LY75: variants seen among roughly 807,000 people sequenced by gnomAD.
LY75 encodes the protein C-type lectin domain family 13 member B.
A neutral mutation model predicts 231.7 loss-of-function variants in LY75; 185 were observed. The ratio of observed to expected loss-of-function variants is 0.80; its 90% confidence interval spans 0.71 to 0.90. The LOEUF (loss-of-function observed/expected upper bound fraction) is 0.90. LY75 is among the 40% of genes least tolerant of loss of function. LY75 has a pLI of 0.00. For missense variants in LY75, 1,947 were observed against 2,050.2 expected, an observed-to-expected ratio of 0.95 and a Z score of 0.97; for synonymous variants, 668 against 689.0, an observed-to-expected ratio of 0.97 and a Z score of 0.48.
At chr2:159,813,124 G>A (rs34797321) in intron 31 of LY75, among the ~76,000 whole-genome samples, 13,961 of 152,218 alleles carry the variant, frequency 0.092, 750 homozygotes, top group South Asian at 0.15. Flanking sequence ...CTATGACATG[G>A]TTGTACAAAC....
intron 33 of LY75, chr2:159,808,040 CAAG>C (rs1682839913): frequency 1.1e-6 from 1 of 950,596 alleles, no homozygotes; most frequent in African/African-American, 1.8e-5. Flanking sequence ...AAGGGAATAA[CAAG>C]AAGATAACTT....
chr2:159,874,168 T>TATATATTGTAAATATATATAA lies in LY75; in HGVS notation c.1974+1255_1974+1275dup, dbSNP rs1368614807. ...TATTTTGTAAATATATATAAACGTATATATATTGTAAATATATATAAATAT... is the reference window on the plus strand; with the variant it reads ...TATTTTGTAAATATATATAAACGTATATATATTGTAAATATATATAAATATATTGTAAATATATATAAATAT... On this transcript the variant is annotated intron_variant, in intron 12 of 34. Transcript: ENST00000263636. Among the ~76,000 whole-genome samples, 6 of 134,376 alleles carry TATATATTGTAAATATATATAA rather than the reference T, an allele frequency of 4.5e-5. 1 individual carries two copies. The highest frequency in any genetic ancestry group is 1.3e-4 in the African/African-American group (5 of 37,190). The allele number at this position is 134,376 out of a possible 152,430, so 88.2% of individuals were successfully genotyped here.
intron 5 of LY75, 58 bp from the exon 6 acceptor site, chr2:159,885,351 T>C: frequency 6.4e-7 from 1 of 1,553,878 alleles, no homozygotes; most frequent in Non-Finnish European, 8.7e-7. Context: ...CAGGATGGTG[T>C]CAGAAAGAAT....
At chr2:159,832,176 C>A (rs1442152064) in intron 27 of LY75, among the ~76,000 whole-genome samples, 1 of 152,094 alleles carries the variant, frequency 6.6e-6, no homozygotes, top group East Asian at 1.9e-4. Context: ...CAGGGGTTCC[C>A]AACCCCCGGG....
chr2:159,897,743 A>G (rs1161712992), intron 2 of LY75, among the ~76,000 whole-genome samples: 1 of 152,218 alleles, frequency 6.6e-6, no homozygotes, highest in Non-Finnish European at 1.5e-5. Flanking sequence ...ACATAATTAT[A>G]TGCATATCGA....
At chr2:159,853,386 T>C in intron 19 of LY75, 34 bp from the exon 20 acceptor site, 1 of 1,597,764 alleles carries the variant, frequency 6.3e-7, no homozygotes, top group Non-Finnish European at 8.5e-7. Flanking sequence ...CAACTCGTAA[T>C]GTAATTAGGT....
intron 16 of LY75, among the ~76,000 whole-genome samples, chr2:159,858,154 CAA>C (rs890623307): frequency 6.6e-5 from 10 of 152,144 alleles, no homozygotes; most frequent in African/African-American, 2.4e-4. Context: ...CTTCCATGAT[CAA>C]AGAGTAAGAT....
rs187626975 is a variant in LY75 at position 159,884,500 on chromosome 2, G to A, written c.1054+653C>T. ...AACACCCTGGAAAAACCCCCTTATT[G>A]TACACATTTTGTCCCTCTGCACCTC... is the stretch of plus-strand genomic sequence containing the variant. On this transcript the variant is annotated intron_variant, in intron 6 of 34. Coordinates refer to ENST00000263636, the MANE Select transcript of LY75 (RefSeq NM_002349.4). Among the ~76,000 whole-genome samples the A allele has an allele frequency of 1.2e-3, 188 of 152,110 alleles. 1 individual carries two copies. The highest frequency in any genetic ancestry group is 3.4e-3 in the Middle Eastern group (1 of 294).
At position 159,854,533 on chromosome 2, in the gene LY75, G is replaced by C. The variant is rs200927014; in HGVS notation, c.2422C>G (p.Arg808Gly). The change falls in exon 18 of 35, where the codon CGT becomes GGT. Residue 808 changes from arginine (R) to glycine (G), a missense_variant and splice_region_variant. Transcript: ENST00000263636. ...PKTPDWYNPDRAGIHGPPLII... is the reference protein window; with the variant it reads ...PKTPDWYNPDGAGIHGPPLII... ...AGTGGAGGTCCATGAATTCCAGCAC[G>C]GTCTAAAGAAGAAGAAGAAAAAGAT... 6.2e-7 allele frequency: 1 copy of C among 1,610,294 alleles called. No individual in the cohort carries two copies. The highest frequency in any genetic ancestry group is 1.3e-5 in the African/African-American group (1 of 74,670).
chr2:159,815,621 A>C (rs1378188125), intron 30 of LY75, 48 bp from the exon 31 acceptor site: 1 of 1,574,900 alleles, frequency 6.3e-7, no homozygotes, highest in Admixed American at 2.1e-5. Context: ...GTTTGACTTC[A>C]AAAAGAATAC....
chr2:159,865,193 T>C (rs990537022), intron 13 of LY75, among the ~76,000 whole-genome samples: 5 of 152,198 alleles, frequency 3.3e-5, no homozygotes, highest in Admixed American at 2.6e-4. Flanking sequence ...TCCAAGACTT[T>C]TACTGTAGTG....
Position 159,819,786 on chromosome 2 carries a change from CTT to C in LY75, c.4091_4092del (p.Lys1364SerfsTer3). ...TDGFWDIQTF[K>X]VIEEAVYFHQ... is the part of the protein sequence containing the mutation. The stretch of plus-strand genomic sequence containing the variant: ...TGAAAATAAACTGCTTCTTCAATAA[CTT>C]TAAAGGTTTGAATATCCCAGAAGCC... On this transcript the variant is annotated frameshift_variant, in exon 29 of 35. Transcript: ENST00000263636. LOFTEE classifies it high-confidence loss of function. 1.2e-6 allele frequency: 2 copies of C among 1,613,874 alleles called. No homozygotes were observed. Among genetic ancestry groups the C allele is most frequent in the Non-Finnish European group, 1.7e-6 (2 of 1,179,942 alleles).
rs1560093613 is a variant in LY75 at position 159,874,543 on chromosome 2, A to ATATATTT, written c.1974+900_1974+901insAAATATA. Among the ~76,000 whole-genome samples the ATATATTT allele has an allele frequency of 6.1e-4, 13 of 21,306 alleles. 2 individuals are homozygous for ATATATTT. Among genetic ancestry groups the ATATATTT allele is most frequent in the Non-Finnish European group, 1.2e-3 (7 of 5,828 alleles). The allele number at this position is 21,306 out of a possible 152,430, so 14.0% of individuals were successfully genotyped here. A position where few individuals can be genotyped will look rare whatever the true frequency, so the allele number is the denominator to read the frequency against. Reference sequence around the variant, plus strand: ...ACATATTTTGTAAATCTATATAAATATGTACATATTTTGTAAATCTATATA... The same window carrying ATATATTT: ...ACATATTTTGTAAATCTATATAAATATATATTTTGTACATATTTTGTAAATCTATATA... On this transcript the variant is annotated intron_variant, in intron 12 of 34. Transcript: ENST00000263636.
intron 15 of LY75, 143 bp from the exon 16 acceptor site, chr2:159,858,619 G>A (rs1438932554): frequency 1.1e-6 from 1 of 939,290 alleles, no homozygotes; most frequent in Admixed American, 3.5e-5. Flanking sequence ...ATGAATTAAT[G>A]GAATATTTAA....
intron 31 of LY75, 83 bp downstream of exon 31, chr2:159,815,322 A>G: frequency 6.8e-7 from 1 of 1,470,278 alleles, no homozygotes; most frequent in Non-Finnish European, 9.0e-7. Flanking sequence ...ATCTTTAAAT[A>G]AAAATTCCAC....
At chr2:159,862,612 C>G (rs1684746212) in intron 14 of LY75, among the ~76,000 whole-genome samples, 1 of 152,046 alleles carries the variant, frequency 6.6e-6, no homozygotes, top group Admixed American at 6.5e-5. Flanking sequence ...ATATGAGACT[C>G]TATTTTCATT....
intron 14 of LY75, 130 bp downstream of exon 14, chr2:159,864,709 T>G: frequency 1.1e-6 from 1 of 871,822 alleles, no homozygotes; most frequent in East Asian, 3.1e-5. Flanking sequence ...TGCTCAAGAT[T>G]TCTTTGGCTA....
chr2:159,816,613 T>C (rs191889529), intron 30 of LY75, among the ~76,000 whole-genome samples, 193 bp downstream of exon 30: 1 of 152,306 alleles, frequency 6.6e-6, no homozygotes, highest in East Asian at 1.9e-4. Flanking sequence ...GGCCTGATCA[T>C]TTGTCCTAGT....
chr2:159,879,466 G>A, intron 8 of LY75, 97 bp from the exon 9 acceptor site: 2 of 1,506,008 alleles, frequency 1.3e-6, no homozygotes, highest in Non-Finnish European at 1.8e-6. Flanking sequence ...CAGAGAGAGA[G>A]AAATGAATAT....
Sources: gnomAD v4.1 joint callset for allele counts (sites outside exome capture counted in the v4.1 genomes callset) on GRCh38, gnomAD v4.1.1 for gene constraint, MANE v1.5 for transcripts, NCBI Gene and HGNC (gene_info 2026-07-23, HGNC 2026-07-21) for gene names.